Variants in CLASP2 observed in about 807,000 individuals in gnomAD.
The protein encoded by CLASP2 is CLIP-associating protein 2.
CLASP2 carries 47 observed loss-of-function variants against 194.4 expected under a neutral mutation model. That is an observed-to-expected ratio of 0.24 (90% CI 0.19 to 0.31). The LOEUF (loss-of-function observed/expected upper bound fraction) is 0.31, where lower values mean the gene tolerates loss of function less well. CLASP2 is among the 10% of genes least tolerant of loss of function. CLASP2 has a pLI of 1.00. For synonymous variants in CLASP2, 619 were observed against 633.5 expected, an observed-to-expected ratio of 0.98 and a Z score of 0.34; for missense variants, 1,445 against 1,823.6, an observed-to-expected ratio of 0.79 and a Z score of 3.78.
intron 7 of CLASP2, among the ~76,000 whole-genome samples, chr3:33,658,366 T>C (rs998057817): frequency 6.6e-6 from 1 of 152,174 alleles, no homozygotes. Flanking sequence ...ATAGAAATAA[T>C]GTGTTTTTAA....
At chr3:33,526,369 C>A (rs554929943) in intron 34 of CLASP2, among the ~76,000 whole-genome samples, 1 of 151,976 alleles carries the variant, frequency 6.6e-6, no homozygotes, top group African/African-American at 2.4e-5. Context: ...CAACAAAGAT[C>A]AAAAAAGACA....
At chr3:33,525,465 C>T (rs1251424660) in intron 34 of CLASP2, among the ~76,000 whole-genome samples, 1 of 152,008 alleles carries the variant, frequency 6.6e-6, no homozygotes, top group Non-Finnish European at 1.5e-5. Flanking sequence ...CCACAGAGAA[C>T]AAAGAAAAGT....
At chr3:33,696,341 TTTTC>T (rs1226990645) in intron 2 of CLASP2, among the ~76,000 whole-genome samples, 10 of 147,426 alleles carry the variant, frequency 6.8e-5, no homozygotes, top group South Asian at 2.1e-4. Context: ...GTAAAAACAA[TTTTC>T]TTTCTTTCTT....
chr3:33,612,145 T>C (rs2075303030), intron 12 of CLASP2, 74 bp from the exon 13 acceptor site: 1 of 885,076 alleles, frequency 1.1e-6, no homozygotes, highest in Non-Finnish European at 1.8e-6. Flanking sequence ...TTGCCTTACA[T>C]TCAAGTATTT....
intron 38 of CLASP2, among the ~76,000 whole-genome samples, chr3:33,500,199 A>AC (rs1553692065): frequency 6.6e-6 from 1 of 151,578 alleles, no homozygotes; most frequent in African/African-American, 2.4e-5. Context: ...TGCTTGGCTA[A>AC]TTTTTTTTCT....
At chr3:33,522,694 G>T (rs539329428) in intron 34 of CLASP2, among the ~76,000 whole-genome samples, 2 of 152,168 alleles carry the variant, frequency 1.3e-5, no homozygotes, top group East Asian at 3.9e-4. Flanking sequence ...TGAACAAAAT[G>T]GAAATATCAG....
At position 33,570,758 on chromosome 3, in the gene CLASP2, A is replaced by C; in HGVS notation, c.2732T>G (p.Phe911Cys). 6.3e-7 allele frequency: 1 copy of C among 1,592,038 alleles called. No individual in the cohort carries two copies. The highest frequency in any genetic ancestry group is 1.3e-5 in the African/African-American group (1 of 74,492). Reference protein sequence around the residue: ...RVELKRLCEIFTRMFADPHGK... With the variant: ...RVELKRLCEICTRMFADPHGK... Reference sequence around the variant, plus strand: ...ATGAGGGTCAGCAAACATTCTTGTGAAAATTTCACATAATCTTTTCAGTTC... The same window carrying C: ...ATGAGGGTCAGCAAACATTCTTGTGCAAATTTCACATAATCTTTTCAGTTC... Residue 911 changes from phenylalanine to cysteine, a missense_variant, in exon 26 of 39, where the codon TTC becomes TGC. By Grantham distance (205) the Phe-to-Cys change is radical. Around this residue, in one of 4 missense-constraint regions of CLASP2, gnomAD observed 732 missense variants for 987.9 expected, o/e 0.74. Coordinates refer to ENST00000682230, the MANE Select transcript of CLASP2 (RefSeq NM_001365631.1).
intron 11 of CLASP2, among the ~76,000 whole-genome samples, chr3:33,620,195 A>G (rs888017719): frequency 5.9e-5 from 9 of 152,178 alleles, no homozygotes; most frequent in Admixed American, 1.3e-4. Flanking sequence ...TATTTCTATT[A>G]ATAGTATCAC....
intron 33 of CLASP2, among the ~76,000 whole-genome samples, chr3:33,538,509 C>A (rs927162012): frequency 1.3e-5 from 2 of 152,130 alleles, no homozygotes; most frequent in Non-Finnish European, 2.9e-5. Flanking sequence ...TTAGACCACA[C>A]AATCTAAGAT....
chr3:33,628,707 G>C (rs1034054712), intron 9 of CLASP2, among the ~76,000 whole-genome samples: 4 of 152,094 alleles, frequency 2.6e-5, no homozygotes, highest in African/African-American at 9.7e-5. Flanking sequence ...ACTCAGGAGA[G>C]GTCTGGCTTG....
At chr3:33,630,933 A>T (rs1240269355) in intron 9 of CLASP2, among the ~76,000 whole-genome samples, 1 of 152,212 alleles carries the variant, frequency 6.6e-6, no homozygotes, top group South Asian at 2.1e-4. Context: ...GGAGGAAGGG[A>T]TATGTTTTCC....
intron 12 of CLASP2, among the ~76,000 whole-genome samples, chr3:33,617,874 G>A (rs971317705): frequency 4.7e-5 from 7 of 149,736 alleles, no homozygotes; most frequent in South Asian, 4.2e-4. Context: ...AAGGAATGGA[G>A]AAAAAGGACT....
chr3:33,632,174 A>G (rs1247591874), intron 9 of CLASP2, 118 bp downstream of exon 9: 1 of 575,736 alleles, frequency 1.7e-6, no homozygotes, highest in Non-Finnish European at 2.9e-6. Flanking sequence ...AATAAGTCAA[A>G]TATTTCATTT....
intron 1 of CLASP2, among the ~76,000 whole-genome samples, chr3:33,714,030 C>T (rs185934844): frequency 2.0e-5 from 3 of 152,070 alleles, no homozygotes; most frequent in Non-Finnish European, 4.4e-5. Flanking sequence ...AGGTCTATGG[C>T]CTAAAGCAAT....
chr3:33,610,713 C>T (rs141393893), intron 13 of CLASP2, among the ~76,000 whole-genome samples: 61 of 152,232 alleles, frequency 4.0e-4, no homozygotes, highest in East Asian at 1.9e-3. Context: ...CCTTTAACAA[C>T]GTAAAAAACC....
chr3:33,571,259 C>T (rs866166814), intron 25 of CLASP2, among the ~76,000 whole-genome samples: 4 of 150,986 alleles, frequency 2.6e-5, no homozygotes, highest in South Asian at 2.1e-4. Context: ...ATGATCCGCC[C>T]GCCTCAGCCT....
chr3:33,616,828 C>A (rs2076266413), intron 12 of CLASP2, among the ~76,000 whole-genome samples: 1 of 150,050 alleles, frequency 6.7e-6, no homozygotes, highest in African/African-American at 2.5e-5. Context: ...ACCTCCCCCT[C>A]CCAAGTTCAA....
At chr3:33,540,915 G>A (rs912531881) in intron 32 of CLASP2, among the ~76,000 whole-genome samples, 4 of 151,856 alleles carry the variant, frequency 2.6e-5, no homozygotes, top group Admixed American at 6.6e-5. Context: ...TGGAACTACC[G>A]GCATGCACCA....
intron 1 of CLASP2, among the ~76,000 whole-genome samples, chr3:33,703,909 A>G (rs1348399346): frequency 6.6e-6 from 1 of 152,244 alleles, no homozygotes; most frequent in Non-Finnish European, 1.5e-5. Flanking sequence ...TTCAGCACTA[A>G]AAGGAAATGA....
Sources: allele counts gnomAD v4.1 joint callset (sites outside exome capture counted in the v4.1 genomes callset), GRCh38; gene constraint gnomAD v4.1.1; regional missense constraint gnomAD v4.1.1; transcripts MANE v1.5; gene names NCBI Gene and HGNC (gene_info 2026-07-23, HGNC 2026-07-21).